HIVEP3: variants seen among roughly 807,000 people sequenced by gnomAD.
The protein encoded by HIVEP3 is transcription factor HIVEP3.
HIVEP3 carries 49 observed loss-of-function variants against 152.8 expected under a neutral mutation model. The observed-to-expected ratio is 0.32, with a 90% CI of 0.26 to 0.41. The LOEUF (loss-of-function observed/expected upper bound fraction) is 0.41. Among genes scored for constraint, HIVEP3 ranks in the 10% least tolerant of loss-of-function variants. The probability of loss-of-function intolerance (pLI) is 1.00; values close to 1 mark genes in which losing one functional copy is unlikely to be tolerated. For synonymous variants in HIVEP3, 1,269 were observed against 1,289.0 expected (o/e 0.98, Z 0.33); for missense variants, 2,790 against 3,103.3 (o/e 0.90, Z 2.40).
At chr1:41,828,237 G>A (rs1455410586) in intron 1 of HIVEP3, among the ~76,000 whole-genome samples, 3 of 152,166 alleles carry the variant, frequency 2.0e-5, no homozygotes, top group Non-Finnish European at 4.4e-5. Flanking sequence ...CAGTGTCCCT[G>A]CTGGACAGCA....
chr1:41,731,970 C>G (rs2124188124), intron 1 of HIVEP3, among the ~76,000 whole-genome samples: 1 of 152,366 alleles, frequency 6.6e-6, no homozygotes, highest in East Asian at 1.9e-4. Context: ...CCGAGTGTTT[C>G]TCTATGGAAG....
At chr1:41,681,089 GGTGTGT>G (rs35572259) in intron 2 of HIVEP3, among the ~76,000 whole-genome samples, 20 of 148,334 alleles carry the variant, frequency 1.3e-4, no homozygotes, top group East Asian at 5.9e-4. Context: ...GCTAAGAACT[GGTGTGT>G]GTGTGTGTGT....
At chr1:41,746,901 C>T (rs1481824377) in intron 1 of HIVEP3, among the ~76,000 whole-genome samples, 1 of 152,116 alleles carries the variant, frequency 6.6e-6, no homozygotes, top group Non-Finnish European at 1.5e-5. Context: ...CCCTGGTTCC[C>T]TCGCAGGTGC....
chr1:41,725,897 T>C (rs991105447), intron 1 of HIVEP3, among the ~76,000 whole-genome samples: 1 of 152,166 alleles, frequency 6.6e-6, no homozygotes, highest in Non-Finnish European at 1.5e-5. Context: ...GAATGTAATA[T>C]TTTGCTGGAA....
intron 3 of HIVEP3, among the ~76,000 whole-genome samples, chr1:41,605,372 C>CGT (rs71790517): frequency 2.4e-5 from 2 of 84,010 alleles, no homozygotes; most frequent in Non-Finnish European, 4.3e-5. Context: ...CACACGCACA[C>CGT]GCGCACACAC....
chr1:41,548,966 C>T (rs909398987), intron 5 of HIVEP3, among the ~76,000 whole-genome samples: 3 of 152,110 alleles, frequency 2.0e-5, no homozygotes, highest in Non-Finnish European at 4.4e-5. Flanking sequence ...TGGTTTGCTG[C>T]ACCCATTAAC....
chr1:41,595,962 A>C (rs1644659965), intron 3 of HIVEP3, among the ~76,000 whole-genome samples: 1 of 152,056 alleles, frequency 6.6e-6, no homozygotes, highest in South Asian at 2.1e-4. Context: ...TTATGTATAC[A>C]TCTATCCTAG....
intron 1 of HIVEP3, among the ~76,000 whole-genome samples, chr1:41,915,354 T>G (rs963086157): frequency 2.6e-5 from 4 of 152,210 alleles, no homozygotes; most frequent in Non-Finnish European, 2.9e-5. Flanking sequence ...TGCCTTGAAT[T>G]CTTGTGCCTT....
chr1:41,873,732 G>C lies in HIVEP3; in HGVS notation c.-801+44681C>G, dbSNP rs948151953. ...AGAAAGGAAGAAGGAGGGAAAAAAGGACAGAGGGAAGGAGGAGGATTAGAA... is the reference window on the plus strand; with the variant it reads ...AGAAAGGAAGAAGGAGGGAAAAAAGCACAGAGGGAAGGAGGAGGATTAGAA... On this transcript the variant is annotated intron_variant, in intron 1 of 8. Coordinates refer to ENST00000372583, the MANE Select transcript of HIVEP3 (RefSeq NM_024503.5). This position sits in a 1 kb window ranked among gnomAD's most constrained non-coding sequence, Gnocchi z 4.2. Among the ~76,000 whole-genome samples, 9 of 152,178 alleles carry C rather than the reference G, an allele frequency of 5.9e-5. No individual in the cohort carries two copies. The highest frequency in any genetic ancestry group is 1.0e-4 in the Non-Finnish European group (7 of 68,030).
Position 41,605,658 on chromosome 1 carries a change from C to T in HIVEP3, c.-521-20340G>A, listed in dbSNP as rs947733852. ...GGGGTGGGGAGGGACGGCTCACCAG[C>T]GTAGGCTTTAGAGATACACACACTG... On this transcript the variant is annotated intron_variant, in intron 3 of 8. Coordinates refer to ENST00000372583, the MANE Select transcript of HIVEP3 (RefSeq NM_024503.5). Among the ~76,000 whole-genome samples, 10 of 151,914 alleles carry T rather than the reference C, an allele frequency of 6.6e-5. No homozygotes were observed. In the East Asian group the frequency reaches 7.7e-4, roughly 12 times the overall value.
At chr1:41,898,851 C>T (rs1012964518) in intron 1 of HIVEP3, among the ~76,000 whole-genome samples, 3 of 152,204 alleles carry the variant, frequency 2.0e-5, no homozygotes, top group Admixed American at 6.5e-5. Context: ...AATCTAAGAG[C>T]GCTGGTTCCC....
At chr1:41,818,141 C>A (rs747738288) in intron 1 of HIVEP3, among the ~76,000 whole-genome samples, 1 of 152,124 alleles carries the variant, frequency 6.6e-6, no homozygotes, top group Non-Finnish European at 1.5e-5. Flanking sequence ...ACAGGAAACT[C>A]AATTTAAAAA....
In HIVEP3 at chr1:42,028,750, C is replaced by T. The variant is rs553980048; in HGVS notation, n.119+7057G>A. On this transcript the variant is annotated intron_variant and non_coding_transcript_variant, in intron 1 of 3. Coordinates refer to the HIVEP3 transcript ENST00000489103. ...ACAAAACAAGCCTTCTCTAATACATCCCTGACACTGAAGAGAGAATATATA... is the reference window on the plus strand; with the variant it reads ...ACAAAACAAGCCTTCTCTAATACATTCCTGACACTGAAGAGAGAATATATA... Among the ~76,000 whole-genome samples, 91 of 152,334 alleles carry T rather than the reference C, an allele frequency of 6.0e-4. 4 individuals carry two copies. In the South Asian group the frequency reaches 7.3e-3, roughly 12 times the overall value.
rs1642493326 is a variant in HIVEP3, at chr1:41,513,239, G to C, written c.5982C>G (p.Pro1994=). 6.2e-7 allele frequency: 1 copy of C among 1,613,586 alleles called. No individual in the cohort carries two copies. The highest frequency in any genetic ancestry group is 8.5e-7 in the Non-Finnish European group (1 of 1,180,008). ...GTTCTCGGGCCGGGGAGCATCGCTG[G>C]GGAGATGAGTCGTTTTTGGTTAGCG... is the stretch of plus-strand genomic sequence containing the variant. The part of the protein sequence containing the change: ...KHSLTKNDSS[P]QRCSPAREPQ... The change falls in exon 8 of 9, where the codon CCC becomes CCG. Residue 1994 remains proline, a synonymous_variant. Coordinates refer to ENST00000372583, the MANE Select transcript of HIVEP3 (RefSeq NM_024503.5).
chr1:41,934,911 A>C (rs1333002604), intron 1 of HIVEP3, among the ~76,000 whole-genome samples: 1 of 152,150 alleles, frequency 6.6e-6, no homozygotes, highest in African/African-American at 2.4e-5. Context: ...GTGAAGAATA[A>C]AATAACTCTA....
At chr1:41,545,458 CCAT>C in intron 5 of HIVEP3, among the ~76,000 whole-genome samples, 1 of 80,252 alleles carries the variant, frequency 1.2e-5, no homozygotes, top group Non-Finnish European at 2.7e-5. Flanking sequence ...ACCATTGCTA[CCAT>C]CACCACCACC....
At chr1:41,843,311 C>G (rs984871616) in intron 1 of HIVEP3, among the ~76,000 whole-genome samples, 3 of 152,074 alleles carry the variant, frequency 2.0e-5, no homozygotes, top group Non-Finnish European at 2.9e-5. Context: ...GGACATCACA[C>G]GAAATGTAAG....
At chr1:41,635,664 A>G (rs1645262921) in intron 2 of HIVEP3, among the ~76,000 whole-genome samples, 1 of 149,828 alleles carries the variant, frequency 6.7e-6, no homozygotes, top group Admixed American at 6.6e-5. Context: ...GTATGTATAT[A>G]TACATACATA....
intron 5 of HIVEP3, chr1:41,543,454 A>T (rs1016771998): frequency 6.6e-6 from 1 of 152,212 alleles, no homozygotes; most frequent in Admixed American, 6.5e-5. Flanking sequence ...CTTGTCAGAG[A>T]TTAAAGGAGG....
Sources: allele counts gnomAD v4.1 joint callset (sites outside exome capture counted in the v4.1 genomes callset), GRCh38; gene constraint gnomAD v4.1.1; non-coding constraint Gnocchi (gnomAD v3.1); transcripts MANE v1.5; gene names NCBI Gene and HGNC (gene_info 2026-07-23, HGNC 2026-07-21).